The following HACD2 variants were observed in gnomAD, a reference collection of about 807,000 sequenced individuals.
HACD2 encodes 3-hydroxyacyl-CoA dehydratase 2, also known as very-long-chain (3R)-3-hydroxyacyl-CoA dehydratase 2.
HACD2 carries 15 observed loss-of-function variants against 31.0 expected under a neutral mutation model. The observed-to-expected ratio is 0.48, with a 90% CI of 0.32 to 0.75. The LOEUF is 0.75. HACD2 is among the 30% of genes least tolerant of loss of function. The probability of loss-of-function intolerance (pLI) is 0.03; values close to 1 mark genes in which losing one functional copy is unlikely to be tolerated. For synonymous variants in HACD2, 115 were observed against 122.2 expected (o/e 0.94, Z 0.39); for missense variants, 283 against 313.0 (o/e 0.90, Z 0.72).
chr3:123,528,607 T>C (rs1006669), intron 3 of HACD2, 133 bp from the exon 4 acceptor site: 86,547 of 614,784 alleles, frequency 0.14, 7,716 homozygotes, highest in African/African-American at 0.3. Flanking sequence ...GTCTATATTG[T>C]TACACAGACT....
intron 6 of HACD2, chr3:123,499,319 G>A (rs1308756942): frequency 1.2e-5 from 2 of 173,256 alleles, no homozygotes; most frequent in Non-Finnish European, 2.5e-5. Context: ...TTATTACTTA[G>A]TAGTTTAGAT....
intron 3 of HACD2, among the ~76,000 whole-genome samples, chr3:123,550,727 C>G (rs1038477960): frequency 6.6e-6 from 1 of 152,080 alleles, no homozygotes; most frequent in Admixed American, 6.5e-5. Flanking sequence ...GCAGAGGAAC[C>G]ATGTGGAGAT....
rs180791001 is a variant in HACD2 at position 123,548,892 on chromosome 3, T to A, written c.292+18870A>T. On this transcript the variant is annotated intron_variant, in intron 3 of 6. Coordinates refer to ENST00000383657, the MANE Select transcript of HACD2 (RefSeq NM_198402.5). ...CTCCAGCTTTGGCCTCCCAAAGTGC[T>A]GGGGTTGCAGGCATGAGCTACTGTG... Among the ~76,000 whole-genome samples, 11 of 151,882 alleles carry A rather than the reference T, an allele frequency of 7.2e-5. No homozygotes were observed. The East Asian group carries it at 1.9e-3, about 27-fold the overall frequency.
At chr3:123,565,428 G>A (rs2056779318) in intron 3 of HACD2, among the ~76,000 whole-genome samples, 1 of 151,916 alleles carries the variant, frequency 6.6e-6, no homozygotes, top group Non-Finnish European at 1.5e-5. Flanking sequence ...TGGGGTTAGT[G>A]CCCTTATAAA....
chr3:123,512,379 C>A (rs2056074205), intron 4 of HACD2, among the ~76,000 whole-genome samples: 1 of 152,094 alleles, frequency 6.6e-6, no homozygotes, highest in East Asian at 1.9e-4. Flanking sequence ...GAGACCAGCC[C>A]AATCATCTCA....
At chr3:123,495,040 A>C in intron 6 of HACD2, 70 bp from the exon 7 acceptor site, 1 of 938,240 alleles carries the variant, frequency 1.1e-6, no homozygotes, top group Non-Finnish European at 1.6e-6. Flanking sequence ...AAGCATATGA[A>C]GTTGAGGTCC....
intron 4 of HACD2, among the ~76,000 whole-genome samples, chr3:123,504,694 C>T (rs1462292691): frequency 1.3e-5 from 2 of 152,118 alleles, no homozygotes; most frequent in Non-Finnish European, 2.9e-5. Flanking sequence ...AGTCTGTTCC[C>T]AGAGCCCAGC....
intron 3 of HACD2, among the ~76,000 whole-genome samples, chr3:123,541,008 T>G (rs1336309649): frequency 6.6e-6 from 1 of 152,224 alleles, no homozygotes; most frequent in Non-Finnish European, 1.5e-5. Flanking sequence ...CGATGGCTCA[T>G]GTCTATAATC....
At chr3:123,582,463 A>C in intron 1 of HACD2, 134 bp from the exon 2 acceptor site, 1 of 521,506 alleles carries the variant, frequency 1.9e-6, no homozygotes, top group South Asian at 3.6e-5. Context: ...TTTATGGACG[A>C]TAGCTCTCAA....
chr3:123,511,045 T>C (rs2056056521), intron 4 of HACD2, among the ~76,000 whole-genome samples: 1 of 152,070 alleles, frequency 6.6e-6, no homozygotes, highest in African/African-American at 2.4e-5. Context: ...ACTAGTGATG[T>C]TGAGCATCTT....
rs1390984180 is a variant in HACD2, at chr3:123,492,673, T to C, written c.*2215A>G. 2 of 152,160 alleles carry C rather than the reference T, an allele frequency of 1.3e-5. No homozygotes were observed. Among genetic ancestry groups the C allele is most frequent in the African/African-American group, 4.8e-5 (2 of 41,434 alleles). 9.4% of individuals were successfully genotyped at this position (152,160 alleles called of 1,614,324 possible). A position where few individuals can be genotyped will look rare whatever the true frequency, so the allele number is the denominator to read the frequency against. ...TTTGCAACAGAATGTTTTTTATAAG[T>C]AGTGACAAATTATAATAAGGAGGCC... On this transcript the variant is annotated 3_prime_UTR_variant, in exon 7 of 7. Coordinates refer to ENST00000383657, the MANE Select transcript of HACD2 (RefSeq NM_198402.5).
chr3:123,555,942 G>A (rs2056668214), intron 3 of HACD2, among the ~76,000 whole-genome samples: 1 of 152,164 alleles, frequency 6.6e-6, no homozygotes, highest in South Asian at 2.1e-4. Flanking sequence ...ACAACGCAAT[G>A]GAGAAAGAAT....
chr3:123,578,824 C>A lies in HACD2; in HGVS notation c.273+3388G>T, dbSNP rs184499482. On this transcript the variant is annotated intron_variant, in intron 2 of 6. Transcript: ENST00000383657. The stretch of plus-strand genomic sequence containing the variant: ...CTCCTGTAAACAGGATATATGTCAA[C>A]ACTAATAATTCCCATCAGGATAACT... Among the ~76,000 whole-genome samples, 3 of 152,296 alleles carry A rather than the reference C, an allele frequency of 2.0e-5. No homozygotes were observed. The East Asian group carries it at 5.8e-4, about 29-fold the overall frequency.
At chr3:123,563,049 C>A (rs1262912774) in intron 3 of HACD2, among the ~76,000 whole-genome samples, 1 of 152,142 alleles carries the variant, frequency 6.6e-6, no homozygotes, top group Non-Finnish European at 1.5e-5. Flanking sequence ...AGATGATGAT[C>A]AAATATTCAC....
At chr3:123,505,564 T>C (rs533536815) in intron 4 of HACD2, among the ~76,000 whole-genome samples, 1 of 152,336 alleles carries the variant, frequency 6.6e-6, no homozygotes, top group Non-Finnish European at 1.5e-5. Flanking sequence ...TCAAGAGATC[T>C]GGAGTTTTTG....
intron 3 of HACD2, among the ~76,000 whole-genome samples, chr3:123,549,914 C>T (rs2056600403): frequency 6.6e-6 from 1 of 152,124 alleles, no homozygotes; most frequent in Admixed American, 6.5e-5. Flanking sequence ...TCAAGGCACC[C>T]CAGAGTTGTC....
At chr3:123,569,495 G>C (rs2056829758) in intron 2 of HACD2, among the ~76,000 whole-genome samples, 1 of 152,132 alleles carries the variant, frequency 6.6e-6, no homozygotes, top group Non-Finnish European at 1.5e-5. Flanking sequence ...CTGAGTAGCT[G>C]GGACTACAGG....
intron 3 of HACD2, among the ~76,000 whole-genome samples, chr3:123,543,214 A>C (rs1443791101): frequency 1.3e-5 from 2 of 152,222 alleles, no homozygotes; most frequent in African/African-American, 4.8e-5. Flanking sequence ...TTAATGAAGT[A>C]TTGGTAGCTG....
At chr3:123,572,952 C>T (rs1352677568) in intron 2 of HACD2, among the ~76,000 whole-genome samples, 1 of 152,096 alleles carries the variant, frequency 6.6e-6, no homozygotes, top group Non-Finnish European at 1.5e-5. Context: ...ACCCCTGGAT[C>T]AGCCAGCTAT....
Sources: gnomAD v4.1 joint callset for allele counts (sites outside exome capture counted in the v4.1 genomes callset) on GRCh38, gnomAD v4.1.1 for gene constraint, MANE v1.5 for transcripts, NCBI Gene and HGNC (gene_info 2026-07-23, HGNC 2026-07-21) for gene names.